SNX24: variants seen among roughly 807,000 people sequenced by gnomAD.
SNX24 encodes the protein sorting nexin-24.
In SNX24, 22 loss-of-function variants were observed where a neutral mutation model predicts 28.7. The ratio of observed to expected loss-of-function variants is 0.77; its 90% CI spans 0.55 to 1.10. The LOEUF is 1.10. Among genes scored for constraint, SNX24 ranks in the 50% least tolerant of loss-of-function variants. SNX24 has a pLI of 0.00. For missense variants in SNX24, 221 were observed against 201.1 expected (o/e 1.10, Z -0.60); for synonymous variants, 69 against 71.5 (o/e 0.96, Z 0.18).
rs984271953 is a variant in SNX24, at chr5:122,890,197, C to T, written c.60+44504C>T. On this transcript the variant is annotated intron_variant, in intron 1 of 6. Transcript: ENST00000261369. ...TCAGAGGCACATGGTATCTGTCTGC[C>T]CCCGACTAATAATGCTAATTTTGAC... Among the ~76,000 whole-genome samples, 22 of 151,986 alleles carry T rather than the reference C, an allele frequency of 1.4e-4. 1 individual carries two copies. Among genetic ancestry groups the T allele is most frequent in the Non-Finnish European group, 2.9e-4 (20 of 67,986 alleles).
chr5:122,845,741 G>A (rs773846945), intron 1 of SNX24, 48 bp downstream of exon 1: 6 of 1,206,722 alleles, frequency 5.0e-6, no homozygotes, highest in Admixed American at 3.5e-5. Flanking sequence ...CAGGCCTGCG[G>A]CTGCTGCGCC....
chr5:123,008,104 C>A lies in SNX24; in HGVS notation c.*355C>A. The stretch of plus-strand genomic sequence containing the variant: ...ACCATTTGCTAATTGAAAATCATAT[C>A]CTGAATCATACTGAGACTGATCAAC... On this transcript the variant is annotated 3_prime_UTR_variant, in exon 7 of 7. Coordinates refer to ENST00000261369, the MANE Select transcript of SNX24 (RefSeq NM_014035.4). 1.9e-6 allele frequency: 2 copies of A among 1,040,038 alleles called. No homozygotes were observed. The highest frequency in any genetic ancestry group is 2.3e-6 in the Non-Finnish European group (2 of 865,220). The allele number at this position is 1,040,038 out of a possible 1,614,324, so 64.4% of individuals were successfully genotyped here. A position where few individuals can be genotyped will look rare whatever the true frequency, so the allele number is the denominator to read the frequency against.
chr5:123,007,647 T>C, intron 6 of SNX24, 35 bp from the exon 7 acceptor site: 1 of 1,528,350 alleles, frequency 6.5e-7, no homozygotes, highest in East Asian at 2.3e-5. Context: ...AAGCAGTTTT[T>C]CTTTTTTTTT....
rs564766053 is a variant in SNX24 at position 122,926,176 on chromosome 5, G to A, written c.61-10558G>A. ...CATGACCTGGAACAACAACTGAACA[G>A]AATGAGGGAGAAGCTTTCTAGGTAG... On this transcript the variant is annotated intron_variant, in intron 1 of 6. Transcript: ENST00000261369. Among the ~76,000 whole-genome samples the A allele has an allele frequency of 3.7e-3, 567 of 152,304 alleles. 4 individuals are homozygous for A. Among genetic ancestry groups the A allele is most frequent in the African/African-American group, 0.013 (525 of 41,554 alleles).
At chr5:122,919,828 T>C (rs1360945113) in intron 1 of SNX24, among the ~76,000 whole-genome samples, 1 of 152,128 alleles carries the variant, frequency 6.6e-6, no homozygotes, top group Non-Finnish European at 1.5e-5. Context: ...TTCACATGCA[T>C]CAGGGCCCAA....
chr5:122,857,419 T>G (rs961479483), intron 1 of SNX24, among the ~76,000 whole-genome samples: 7 of 152,130 alleles, frequency 4.6e-5, no homozygotes, highest in Admixed American at 2.6e-4. Context: ...TAACTTTTTT[T>G]TTTTTAGGTT....
intron 5 of SNX24, among the ~76,000 whole-genome samples, chr5:123,017,589 TCC>T (rs774095734): frequency 2.0e-5 from 3 of 152,120 alleles, no homozygotes; most frequent in Non-Finnish European, 2.9e-5. Flanking sequence ...TTTGGCTGTG[TCC>T]CCACCCAAAT....
intron 1 of SNX24, among the ~76,000 whole-genome samples, chr5:122,879,559 G>C (rs924120507): frequency 9.9e-5 from 15 of 152,178 alleles, no homozygotes; most frequent in Admixed American, 3.9e-4. Context: ...TTCAGACTCA[G>C]TTTCCCTCTC....
At chr5:122,983,597 G>A (rs1057195257) in intron 3 of SNX24, among the ~76,000 whole-genome samples, 1 of 152,134 alleles carries the variant, frequency 6.6e-6, no homozygotes, top group African/African-American at 2.4e-5. Context: ...AACCAACAAA[G>A]TAGTGAAAAA....
intron 1 of SNX24, among the ~76,000 whole-genome samples, chr5:122,899,401 G>A (rs1023119169): frequency 9.2e-5 from 14 of 152,228 alleles, no homozygotes; most frequent in Non-Finnish European, 1.3e-4. Flanking sequence ...TGCTTCTGTT[G>A]AATATTTTTA....
intron 1 of SNX24, among the ~76,000 whole-genome samples, chr5:122,886,114 A>G (rs17451065): frequency 0.028 from 4,272 of 152,266 alleles, 76 homozygotes; most frequent in Middle Eastern, 0.054. Flanking sequence ...CCAGGAGTTT[A>G]GTGGTAGGTG....
At chr5:122,936,167 A>G (rs544987659) in intron 1 of SNX24, among the ~76,000 whole-genome samples, 72 of 152,314 alleles carry the variant, frequency 4.7e-4, no homozygotes, top group Non-Finnish European at 7.8e-4. Context: ...CACTTGTATC[A>G]TGCAGGGAAA....
At chr5:122,884,024 G>T (rs1370898581) in intron 1 of SNX24, among the ~76,000 whole-genome samples, 1 of 151,994 alleles carries the variant, frequency 6.6e-6, no homozygotes, top group Non-Finnish European at 1.5e-5. Context: ...TAATTCCATT[G>T]GTTCTTCGGA....
At chr5:122,853,952 A>G (rs958442944) in intron 1 of SNX24, among the ~76,000 whole-genome samples, 2 of 152,238 alleles carry the variant, frequency 1.3e-5, no homozygotes, top group Non-Finnish European at 2.9e-5. Context: ...ATTCTTAAAA[A>G]ACTAATTTTG....
intron 1 of SNX24, chr5:122,891,183 T>G: frequency 7.4e-7 from 1 of 1,358,284 alleles, no homozygotes; most frequent in Non-Finnish European, 9.6e-7. Flanking sequence ...TTTTTTTTCC[T>G]AAGTAGTTTA....
intron 3 of SNX24, among the ~76,000 whole-genome samples, chr5:122,982,024 G>A (rs36099390): frequency 0.22 from 33,963 of 152,186 alleles, 4,838 homozygotes; most frequent in Non-Finnish European, 0.33. Context: ...GTAATGTAAC[G>A]TTCATTCTGT....
chr5:122,849,561 T>A (rs1754801032), intron 1 of SNX24, among the ~76,000 whole-genome samples: 1 of 151,446 alleles, frequency 6.6e-6, no homozygotes, highest in Admixed American at 6.6e-5. Flanking sequence ...GACAAAATCT[T>A]ATAAGCCATT....
intron 3 of SNX24, among the ~76,000 whole-genome samples, chr5:122,978,840 G>T (rs1336849011): frequency 6.6e-6 from 1 of 152,194 alleles, no homozygotes; most frequent in African/African-American, 2.4e-5. Context: ...TGAAAAGGTT[G>T]CTGTCCAAAG....
chr5:123,025,856 G>A (rs761668325), intron 5 of SNX24: 2 of 1,614,142 alleles, frequency 1.2e-6, no homozygotes, highest in Admixed American at 1.7e-5. Flanking sequence ...AGGTGATAAA[G>A]AACTGAGAGC....
Sources: gnomAD v4.1 joint callset for allele counts (sites outside exome capture counted in the v4.1 genomes callset) on GRCh38, gnomAD v4.1.1 for gene constraint, MANE v1.5 for transcripts, NCBI Gene and HGNC (gene_info 2026-07-23, HGNC 2026-07-21) for gene names.